ATP8A2: variants seen among roughly 807,000 people sequenced by gnomAD.
ATP8A2 encodes phospholipid-transporting ATPase IB.
In ATP8A2, 100 loss-of-function variants were observed where a neutral mutation model predicts 165.6. The observed-to-expected ratio is 0.60, with a 90% CI of 0.51 to 0.71. The LOEUF is 0.71. Among genes scored for constraint, ATP8A2 ranks in the 30% least tolerant of loss-of-function variants. ATP8A2 has a pLI of 0.00. For missense variants in ATP8A2, 1,227 were observed against 1,479.5 expected (o/e 0.83, Z 2.80); for synonymous variants, 543 against 548.8 (o/e 0.99, Z 0.15).
intron 27 of ATP8A2, among the ~76,000 whole-genome samples, chr13:25,809,595 C>T (rs1950816880): frequency 6.6e-6 from 1 of 152,052 alleles, no homozygotes. Context: ...GAACAGGTGG[C>T]ACTTTTCTTC....
At chr13:25,990,960 C>T (rs1204596758) in intron 35 of ATP8A2, among the ~76,000 whole-genome samples, 2 of 152,070 alleles carry the variant, frequency 1.3e-5, no homozygotes, top group African/African-American at 4.8e-5. Context: ...ATAGGCTTGC[C>T]GACAGGACCA....
At chr13:25,409,942 A>G (rs2033917873) in intron 1 of ATP8A2, among the ~76,000 whole-genome samples, 1 of 151,880 alleles carries the variant, frequency 6.6e-6, no homozygotes, top group Non-Finnish European at 1.5e-5. Flanking sequence ...CTGCTTTTTA[A>G]TGTGTGTATG....
chr13:25,852,438 G>A (rs984217462), intron 30 of ATP8A2, among the ~76,000 whole-genome samples: 3 of 152,140 alleles, frequency 2.0e-5, no homozygotes, highest in African/African-American at 4.8e-5. Context: ...ATCTCCAGGC[G>A]TTCCTGGCAC....
At chr13:25,509,795 A>C (rs1488346522) in intron 2 of ATP8A2, among the ~76,000 whole-genome samples, 1 of 152,224 alleles carries the variant, frequency 6.6e-6, no homozygotes, top group Non-Finnish European at 1.5e-5. Context: ...ATTACTTAGG[A>C]ATGAATACCA....
rs190114023 is a variant in ATP8A2, at chr13:25,898,322, C to A, written c.3183+35914C>A. Among the ~76,000 whole-genome samples the A allele has an allele frequency of 1.9e-3, 284 of 152,304 alleles. 4 individuals are homozygous for A. In the East Asian group the frequency reaches 0.047, roughly 25 times the overall value. The stretch of plus-strand genomic sequence containing the variant: ...ACCCTGTTTGCCTACGTATCAGCAG[C>A]GGTGGCTGCAGAACAGCGGATACTG... On this transcript the variant is annotated intron_variant, in intron 33 of 36. Transcript: ENST00000381655.
At chr13:25,535,245 A>G (rs957427801) in intron 6 of ATP8A2, among the ~76,000 whole-genome samples, 1 of 152,218 alleles carries the variant, frequency 6.6e-6, no homozygotes, top group Non-Finnish European at 1.5e-5. Flanking sequence ...TAAGGTCCCC[A>G]AAATGATAAT....
chr13:25,632,611 A>C (rs891344072), intron 24 of ATP8A2, among the ~76,000 whole-genome samples: 3 of 152,154 alleles, frequency 2.0e-5, no homozygotes, highest in East Asian at 1.9e-4. Flanking sequence ...CCTTTGCCTC[A>C]TGCTACCTTT....
intron 33 of ATP8A2, among the ~76,000 whole-genome samples, chr13:25,869,979 G>T (rs948382327): frequency 6.6e-6 from 1 of 152,190 alleles, no homozygotes; most frequent in African/African-American, 2.4e-5. Flanking sequence ...TTGGTTTACC[G>T]GAAGAATCAG....
At chr13:25,671,033 G>A (rs553824428) in intron 24 of ATP8A2, among the ~76,000 whole-genome samples, 5 of 152,324 alleles carry the variant, frequency 3.3e-5, no homozygotes, top group African/African-American at 7.2e-5. Flanking sequence ...GACCCCAAAC[G>A]GAGGGACCGG....
chr13:26,006,920 T>G (rs548291882), intron 35 of ATP8A2, among the ~76,000 whole-genome samples: 1 of 152,052 alleles, frequency 6.6e-6, no homozygotes, highest in East Asian at 1.9e-4. Flanking sequence ...TTTGCTAGTA[T>G]TTTGTTAATT....
At chr13:25,886,395 AG>A (rs2138874697) in intron 33 of ATP8A2, among the ~76,000 whole-genome samples, 1 of 152,220 alleles carries the variant, frequency 6.6e-6, no homozygotes, top group African/African-American at 2.4e-5. Context: ...TGACTGTGTG[AG>A]TTTTGTGTTT....
chr13:25,894,099 G>C (rs1953462049), intron 33 of ATP8A2, among the ~76,000 whole-genome samples: 1 of 152,190 alleles, frequency 6.6e-6, no homozygotes, highest in South Asian at 2.1e-4. Flanking sequence ...TAGACATGAA[G>C]TCCTTGCCCA....
intron 24 of ATP8A2, among the ~76,000 whole-genome samples, chr13:25,652,639 G>A (rs953267731): frequency 6.6e-5 from 10 of 152,122 alleles, no homozygotes; most frequent in African/African-American, 2.4e-4. Context: ...TTTCTTCTGT[G>A]TGTAAACTTG....
chr13:25,490,887 A>G (rs577716363), intron 2 of ATP8A2, among the ~76,000 whole-genome samples: 2 of 152,014 alleles, frequency 1.3e-5, no homozygotes, highest in African/African-American at 4.8e-5. Context: ...GAATATAGGC[A>G]CACGTCACCA....
intron 33 of ATP8A2, among the ~76,000 whole-genome samples, chr13:25,919,099 C>G (rs528018126): frequency 6.6e-6 from 1 of 152,308 alleles, no homozygotes; most frequent in South Asian, 2.1e-4. Flanking sequence ...AAGTGAAATT[C>G]ACATGTAAAG....
chr13:25,500,409 G>A (rs1238787443), intron 2 of ATP8A2, among the ~76,000 whole-genome samples: 1 of 152,128 alleles, frequency 6.6e-6, no homozygotes. Context: ...CTTACTAAAG[G>A]TTTTAAATGT....
intron 24 of ATP8A2, among the ~76,000 whole-genome samples, chr13:25,636,207 T>G (rs1248291578): frequency 6.6e-6 from 1 of 152,106 alleles, no homozygotes; most frequent in Non-Finnish European, 1.5e-5. Context: ...TCAAACAACT[T>G]AGTGTCAAAT....
chr13:25,569,661 C>T (rs2039410914), intron 16 of ATP8A2, among the ~76,000 whole-genome samples: 1 of 152,192 alleles, frequency 6.6e-6, no homozygotes, highest in African/African-American at 2.4e-5. Context: ...GAAAACTTCT[C>T]ATTTGTGGGT....
rs148266737 is a variant in ATP8A2, at chr13:25,851,498, G to A, written c.2957-8697G>A. On this transcript the variant is annotated intron_variant, in intron 30 of 36. Transcript: ENST00000381655. ...CCCGGGAGGCTGAGGCAGGAGAATCGCTTGAACCCAGGAGGCAGAGTTTGC... is the reference window on the plus strand; with the variant it reads ...CCCGGGAGGCTGAGGCAGGAGAATCACTTGAACCCAGGAGGCAGAGTTTGC... Among the ~76,000 whole-genome samples the A allele has an allele frequency of 7.5e-3, 1,135 of 151,406 alleles. 17 individuals carry two copies. The highest frequency in any genetic ancestry group is 0.026 in the African/African-American group (1,077 of 41,260).
Sources: gnomAD v4.1 joint callset for allele counts (sites outside exome capture counted in the v4.1 genomes callset) on GRCh38, gnomAD v4.1.1 for gene constraint, MANE v1.5 for transcripts, NCBI Gene and HGNC (gene_info 2026-07-23, HGNC 2026-07-21) for gene names.